The following SLC6A7 variants were observed in gnomAD, a reference collection of about 807,000 sequenced individuals.
SLC6A7 encodes the protein sodium-dependent proline transporter.
A neutral mutation model predicts 73.1 loss-of-function variants in SLC6A7; 58 were observed. That is an observed-to-expected ratio of 0.79 (90% confidence interval 0.64 to 0.99). The LOEUF is 0.99. Among genes scored for constraint, SLC6A7 ranks in the 50% least tolerant of loss-of-function variants. SLC6A7 has a pLI of 0.00. For synonymous variants in SLC6A7, 338 were observed against 338.7 expected (o/e 1.00, Z 0.02); for missense variants, 783 against 831.4 (o/e 0.94, Z 0.72).
rs1262835437 is a variant in SLC6A7, at chr5:150,197,185, C to T, written c.493C>T (p.Leu165Phe). 25 of 1,613,918 alleles carry T rather than the reference C, an allele frequency of 1.5e-5. No individual in the cohort carries two copies. Among genetic ancestry groups the T allele is most frequent in the East Asian group, 2.2e-5 (1 of 44,902 alleles). Residue 165 changes from leucine to phenylalanine, a missense_variant, in exon 4 of 14, where the codon CTC becomes TTC. Transcript: ENST00000230671. ...EHCGNWWNTE[L>F]CLEHRVSKDG... ...CTGTGGCAACTGGTGGAACACAGAA[C>T]TCTGCCTGGAGCACAGAGTCTCCAA...
At chr5:150,196,997 C>G (rs377731059) in intron 3 of SLC6A7, 45 bp from the exon 4 acceptor site, 1 of 1,577,820 alleles carries the variant, frequency 6.3e-7, no homozygotes, top group Non-Finnish European at 8.7e-7. Flanking sequence ...ACCCGGCTGG[C>G]AGAGAGCTTG....
intron 10 of SLC6A7, among the ~76,000 whole-genome samples, chr5:150,204,302 C>T (rs1753563790): frequency 6.6e-6 from 1 of 152,176 alleles, no homozygotes; most frequent in Non-Finnish European, 1.5e-5. Flanking sequence ...AATGATTTCC[C>T]CTCCCTGAGA....
chr5:150,208,915 G>A (rs1305473405), intron 13 of SLC6A7, among the ~76,000 whole-genome samples: 4 of 152,186 alleles, frequency 2.6e-5, no homozygotes, highest in East Asian at 3.8e-4. Context: ...CAAGCCCACC[G>A]CAGTTCTCCC....
rs757502268 is a variant in SLC6A7, at chr5:150,209,940, C to T, written c.*325C>T. Reference sequence around the variant, plus strand: ...GCATGGCAGAGGGGACTTGAACCCACGCCTCCTGACCAGCCAGCTCCCTTT... The same window carrying T: ...GCATGGCAGAGGGGACTTGAACCCATGCCTCCTGACCAGCCAGCTCCCTTT... On this transcript the variant is annotated 3_prime_UTR_variant, in exon 14 of 14. Transcript: ENST00000230671. 1.4e-4 allele frequency: 51 copies of T among 354,982 alleles called. No individual in the cohort carries two copies. The highest frequency in any genetic ancestry group is 2.3e-4 in the Non-Finnish European group (44 of 187,482). 22.0% of individuals were successfully genotyped at this position (354,982 alleles called of 1,614,324 possible). A position where few individuals can be genotyped will look rare whatever the true frequency, so the allele number is the denominator to read the frequency against.
Position 150,209,786 on chromosome 5 carries a change from A to G in SLC6A7, c.*171A>G, listed in dbSNP as rs1753883188. ...TTCTGCAGCCTCTGCCTCTCCTGAA[A>G]CCTCTGACAACCCCCTACACACACA... On this transcript the variant is annotated 3_prime_UTR_variant, in exon 14 of 14. Transcript: ENST00000230671. The G allele has an allele frequency of 6.4e-6, 4 of 626,570 alleles. No individual in the cohort carries two copies. Among genetic ancestry groups the G allele is most frequent in the South Asian group, 5.7e-5 (3 of 52,614 alleles). The allele number at this position is 626,570 out of a possible 1,614,324, so 38.8% of individuals were successfully genotyped here. A position where few individuals can be genotyped will look rare whatever the true frequency, so the allele number is the denominator to read the frequency against.
intron 2 of SLC6A7, among the ~76,000 whole-genome samples, chr5:150,195,456 G>A (rs568279532): frequency 9.2e-5 from 14 of 152,306 alleles, no homozygotes; most frequent in Admixed American, 3.3e-4. Flanking sequence ...ATTAGCAAAA[G>A]CTGGGGCTGA....
chr5:150,195,144 G>C, intron 2 of SLC6A7: 1 of 483,090 alleles, frequency 2.1e-6, no homozygotes, highest in Admixed American at 3.3e-5. Context: ...ATACCCACAT[G>C]GTTCCCTCTC....
Position 150,209,553 on chromosome 5 carries a change from T to G in SLC6A7, c.1849T>G (p.Phe617Val), listed in dbSNP as rs1436507597. The change falls in exon 14 of 14, where the codon TTC becomes GTC. Residue 617 changes from phenylalanine to valine, a missense_variant. By Grantham distance (50) the Phe-to-Val change is conservative. Coordinates refer to ENST00000230671, the MANE Select transcript of SLC6A7 (RefSeq NM_014228.5). ...GCGCAAGTACGGGGGCATCACCAGC[T>G]TCGAGAACACGGCCATCGAGGTGGA... ...HMRKYGGITSFENTAIEVDRE... is the reference protein window; with the variant it reads ...HMRKYGGITSVENTAIEVDRE... 1 of 1,614,062 alleles carries G rather than the reference T, an allele frequency of 6.2e-7. No homozygotes were observed. The highest frequency in any genetic ancestry group is 1.7e-5 in the Admixed American group (1 of 59,992).
At chr5:150,206,315 G>C (rs970281680) in intron 13 of SLC6A7, among the ~76,000 whole-genome samples, 4 of 152,180 alleles carry the variant, frequency 2.6e-5, no homozygotes, top group Non-Finnish European at 5.9e-5. Context: ...GAGAGAGCCT[G>C]GAGGCACCCA....
chr5:150,201,126 T>G lies in SLC6A7; in HGVS notation c.761T>G (p.Leu254Arg), dbSNP rs1241376311. The part of the protein sequence containing the change: ...YFTATFPYLI[L>R]LMLLVRGVTL... ...ACGGCCACGTTCCCCTACCTCATCC[T>G]GCTCATGCTGCTGGTCCGCGGAGTC... Residue 254 changes from leucine (L) to arginine (R), a missense_variant, in exon 6 of 14, where the codon CTG becomes CGG. By Grantham distance (102) the Leu-to-Arg change is moderately radical. Coordinates refer to ENST00000230671, the MANE Select transcript of SLC6A7 (RefSeq NM_014228.5). The G allele has an allele frequency of 1.2e-6, 2 of 1,613,826 alleles. No homozygotes were observed. The highest frequency in any genetic ancestry group is 2.7e-5 in the African/African-American group (2 of 74,908).
rs575030071 is a variant in SLC6A7, at chr5:150,193,153, G to A, written c.34-1575G>A. Among the ~76,000 whole-genome samples, 6 of 152,242 alleles carry A rather than the reference G, an allele frequency of 3.9e-5. No individual in the cohort carries two copies. In the East Asian group the frequency reaches 5.8e-4, roughly 15 times the overall value. On this transcript the variant is annotated intron_variant, in intron 1 of 13. Transcript: ENST00000230671. ...CTCTTCATGCTCTGTCATTGTCATC[G>A]TCACCCATAATAATGTCTGGCTGTT... is the stretch of plus-strand genomic sequence containing the variant.
At chr5:150,207,337 C>A (rs1406361698) in intron 13 of SLC6A7, among the ~76,000 whole-genome samples, 2 of 152,052 alleles carry the variant, frequency 1.3e-5, no homozygotes, top group Non-Finnish European at 2.9e-5. Context: ...CTCACTGCAA[C>A]CTCCGCCTCC....
chr5:150,209,428 C>T lies in SLC6A7; in HGVS notation c.1724C>T (p.Pro575Leu), dbSNP rs529905055. The T allele has an allele frequency of 2.0e-5, 32 of 1,613,668 alleles. No homozygotes were observed. Among genetic ancestry groups the T allele is most frequent in the South Asian group, 7.7e-5 (7 of 91,028 alleles). The change falls in exon 14 of 14, where the codon CCG becomes CTG. Residue 575 changes from proline to leucine, a missense_variant. Transcript: ENST00000230671. Reference sequence around the variant, plus strand: ...CAGCGGCTCCAACAGGCCAGCCGGCCGGCCATGGACTGGGGACCATCGCTG... The same window carrying T: ...CAGCGGCTCCAACAGGCCAGCCGGCTGGCCATGGACTGGGGACCATCGCTG... Reference protein sequence around the residue: ...LWERLQQASRPAMDWGPSLEE... With the variant: ...LWERLQQASRLAMDWGPSLEE...
chr5:150,197,049 CGCA>C lies in SLC6A7; in HGVS notation c.360_362del (p.Ala121del). 2 of 1,613,518 alleles carry C rather than the reference CGCA, an allele frequency of 1.2e-6. No homozygotes were observed. Among genetic ancestry groups the C allele is most frequent in the Non-Finnish European group, 1.7e-6 (2 of 1,179,646 alleles). On this transcript the variant is annotated inframe_deletion, in exon 4 of 14. Transcript: ENST00000230671. ...AGCCTCTCCCCACACCAGGCGCCGG[CGCA>C]GCCATGCTGCTCATCGTGGGCTTGG...
intron 1 of SLC6A7, among the ~76,000 whole-genome samples, chr5:150,194,484 G>A (rs1350712399): frequency 6.6e-6 from 1 of 151,524 alleles, no homozygotes; most frequent in East Asian, 1.9e-4. Context: ...GTGTTAGCCA[G>A]ACTAAGGTCA....
chr5:150,204,757 G>T, intron 11 of SLC6A7, 70 bp from the exon 12 acceptor site: 1 of 1,355,638 alleles, frequency 7.4e-7, no homozygotes, highest in South Asian at 1.2e-5. Context: ...GGCAGCTGGG[G>T]TAGAGGAGGG....
chr5:150,195,245 T>C, intron 2 of SLC6A7: 1 of 225,948 alleles, frequency 4.4e-6, no homozygotes. Context: ...CGATGATCAC[T>C]GCACTTTCAG....
At chr5:150,205,801 A>G (rs964078473) in intron 13 of SLC6A7, among the ~76,000 whole-genome samples, 178 bp downstream of exon 13, 2 of 152,180 alleles carry the variant, frequency 1.3e-5, no homozygotes, top group Non-Finnish European at 2.9e-5. Context: ...GGCACTTTGT[A>G]CCACATGAAG....
rs2113985314 is a variant in SLC6A7 at position 150,204,331 on chromosome 5, A to G, written c.1333-201A>G. ...CCTGAGATTGTTTTTCCTCATCAGTAAAAGGAGGGTTCTATAATAGACGGC... is the reference window on the plus strand; with the variant it reads ...CCTGAGATTGTTTTTCCTCATCAGTGAAAGGAGGGTTCTATAATAGACGGC... On this transcript the variant is annotated intron_variant, in intron 10 of 13. Coordinates refer to ENST00000230671, the MANE Select transcript of SLC6A7 (RefSeq NM_014228.5). Among the ~76,000 whole-genome samples, 3 of 152,264 alleles carry G rather than the reference A, an allele frequency of 2.0e-5. No individual in the cohort carries two copies. In the Middle Eastern group the frequency reaches 0.01, roughly 518 times the overall value.
Sources: allele counts gnomAD v4.1 joint callset (sites outside exome capture counted in the v4.1 genomes callset), GRCh38; gene constraint gnomAD v4.1.1; transcripts MANE v1.5; gene names NCBI Gene and HGNC (gene_info 2026-07-23, HGNC 2026-07-21).